Variants in NUP210L observed in about 807,000 individuals in gnomAD.
NUP210L encodes nuclear pore membrane glycoprotein 210-like.
A neutral mutation model predicts 208.5 loss-of-function variants in NUP210L; 74 were observed. The ratio of observed to expected loss-of-function variants is 0.35; its 90% CI spans 0.29 to 0.43. The LOEUF (loss-of-function observed/expected upper bound fraction) is 0.43, where lower values mean the gene tolerates loss of function less well. NUP210L is among the 20% of genes least tolerant of loss of function. The probability of loss-of-function intolerance (pLI) is 1.00; values close to 1 mark genes in which losing one functional copy is unlikely to be tolerated. For synonymous variants in NUP210L, 780 were observed against 816.9 expected (o/e 0.95, Z 0.77); for missense variants, 1,843 against 2,289.4 (o/e 0.81, Z 3.98).
At chr1:154,054,345 G>A (rs748307584) in exon 25 of NUP210L, 34 of 1,613,990 alleles carry the variant, frequency 2.1e-5, no homozygotes, top group Middle Eastern at 1.6e-4. Flanking sequence ...CAACAGCCAC[G>A]GTCTGATTAC....
At chr1:153,993,172 CTAAAAATAATTCT>C in intron 38 of NUP210L, 83 bp from the exon 39 acceptor site, 1 of 850,596 alleles carries the variant, frequency 1.2e-6, no homozygotes, top group South Asian at 1.8e-5. Context: ...GAGAATATTG[CTAAAAATAATTCT>C]TAAAAATAAG....
intron 12 of NUP210L, among the ~76,000 whole-genome samples, 178 bp downstream of exon 12, chr1:154,117,547 T>C (rs1465780866): frequency 6.6e-6 from 1 of 152,102 alleles, no homozygotes; most frequent in Non-Finnish European, 1.5e-5. Flanking sequence ...ATCTTGCCAC[T>C]GCACTGCAGC....
At chr1:154,027,656 C>G in intron 28 of NUP210L, 59 bp from the exon 29 acceptor site, 1 of 1,066,460 alleles carries the variant, frequency 9.4e-7, no homozygotes. Flanking sequence ...CTTTTACTTA[C>G]ATATAGACTT....
intron 33 of NUP210L, among the ~76,000 whole-genome samples, chr1:154,013,541 T>TCCA (rs1651068801): frequency 6.6e-6 from 1 of 151,804 alleles, no homozygotes; most frequent in Non-Finnish European, 1.5e-5. Flanking sequence ...GCCATTGTAC[T>TCCA]CCAGCCTGGG....
intron 9 of NUP210L, among the ~76,000 whole-genome samples, chr1:154,126,763 C>A (rs142239925): frequency 4.0e-5 from 6 of 151,790 alleles, no homozygotes; most frequent in African/African-American, 1.2e-4. Flanking sequence ...GAAATAAGGA[C>A]CCTAGAGAGT....
At chr1:154,022,104 G>T in intron 32 of NUP210L, 22 bp downstream of exon 32, 1 of 1,565,034 alleles carries the variant, frequency 6.4e-7, no homozygotes, top group Non-Finnish European at 8.8e-7. Flanking sequence ...TTGTAAGTTT[G>T]AGAAAGGGAA....
rs991811985 is a variant in NUP210L, at chr1:154,027,495, C to G, written c.3947+11G>C. 4 of 1,578,946 alleles carry G rather than the reference C, an allele frequency of 2.5e-6. No homozygotes were observed. The highest frequency in any genetic ancestry group is 2.6e-6 in the Non-Finnish European group (3 of 1,149,742). ...AGATCCTGGCACTTCCTTATTCTCCCTTTTCCTTACCTGTTGGTATGGAGT... is the reference window on the plus strand; with the variant it reads ...AGATCCTGGCACTTCCTTATTCTCCGTTTTCCTTACCTGTTGGTATGGAGT... On this transcript the variant is annotated intron_variant, in intron 29 of 39. Transcript: ENST00000368559.
intron 14 of NUP210L, among the ~76,000 whole-genome samples, chr1:154,098,319 C>T (rs1365923527): frequency 6.6e-6 from 1 of 152,210 alleles, no homozygotes; most frequent in African/African-American, 2.4e-5. Flanking sequence ...ACAGTTCTCT[C>T]CTTCTCTTCA....
chr1:154,144,493 C>T (rs1444127727), intron 2 of NUP210L, among the ~76,000 whole-genome samples: 1 of 152,046 alleles, frequency 6.6e-6, no homozygotes, highest in Non-Finnish European at 1.5e-5. Context: ...GAGTCCCAGT[C>T]CAACCAGAGT....
intron 37 of NUP210L, among the ~76,000 whole-genome samples, chr1:153,997,698 T>G (rs1382576021): frequency 5.4e-5 from 8 of 147,452 alleles, no homozygotes; most frequent in Non-Finnish European, 1.2e-4. Flanking sequence ...TATTTGTTTT[T>G]TTTTTTTTTT....
chr1:154,112,582 G>A (rs770074184), intron 12 of NUP210L, among the ~76,000 whole-genome samples: 3 of 151,886 alleles, frequency 2.0e-5, no homozygotes, highest in East Asian at 1.9e-4. Flanking sequence ...CACCTACCAC[G>A]TACACCTGAA....
intron 27 of NUP210L, among the ~76,000 whole-genome samples, chr1:154,038,237 A>T (rs1429569215): frequency 6.7e-6 from 1 of 149,976 alleles, no homozygotes; most frequent in African/African-American, 2.5e-5. Flanking sequence ...GGCTCAAGAG[A>T]TCCTCCCACC....
intron 17 of NUP210L, among the ~76,000 whole-genome samples, chr1:154,062,279 G>A (rs1033954932): frequency 1.3e-5 from 2 of 152,086 alleles, no homozygotes; most frequent in African/African-American, 4.8e-5. Flanking sequence ...CCAAAAATAG[G>A]CTGACAAGTG....
At chr1:154,082,681 GT>G in intron 16 of NUP210L, among the ~76,000 whole-genome samples, 1 of 152,190 alleles carries the variant, frequency 6.6e-6, no homozygotes, top group South Asian at 2.1e-4. Flanking sequence ...GTTCCTTCTG[GT>G]AGGTTCTTGA....
chr1:153,999,914 T>A (rs1650111971), intron 37 of NUP210L, among the ~76,000 whole-genome samples: 1 of 151,190 alleles, frequency 6.6e-6, no homozygotes, highest in African/African-American at 2.4e-5. Flanking sequence ...AGCCTTGAAC[T>A]CCTGGTCTCA....
At chr1:154,114,817 G>A (rs923173260) in intron 12 of NUP210L, among the ~76,000 whole-genome samples, 3 of 149,730 alleles carry the variant, frequency 2.0e-5, no homozygotes, top group Non-Finnish European at 4.4e-5. Flanking sequence ...GGCTGGTCTC[G>A]AACTCCTGGC....
At chr1:154,057,575 G>A in intron 22 of NUP210L, among the ~76,000 whole-genome samples, 1 of 151,972 alleles carries the variant, frequency 6.6e-6, no homozygotes, top group East Asian at 1.9e-4. Context: ...TATTTTTAAA[G>A]GGTCCTCTAT....
chr1:154,028,617 T>G lies in NUP210L; in HGVS notation c.3856-1020A>C, dbSNP rs371584584. Among the ~76,000 whole-genome samples, 24 of 152,142 alleles carry G rather than the reference T, an allele frequency of 1.6e-4. No individual in the cohort carries two copies. The East Asian group carries it at 2.1e-3, about 13-fold the overall frequency. ...AAATAAATAATTAAATAAAAATTGT[T>G]AATGGACTTATAATATCTATGTCAG... is the stretch of plus-strand genomic sequence containing the variant. On this transcript the variant is annotated intron_variant, in intron 28 of 39. Coordinates refer to ENST00000368559, the Ensembl canonical transcript of NUP210L.
intron 27 of NUP210L, among the ~76,000 whole-genome samples, chr1:154,031,797 T>C (rs986830226): frequency 2.6e-5 from 4 of 151,804 alleles, no homozygotes; most frequent in Non-Finnish European, 2.9e-5. Context: ...TCATGGCTCA[T>C]TGCCACCTCA....
Sources: allele counts gnomAD v4.1 joint callset (sites outside exome capture counted in the v4.1 genomes callset), GRCh38; gene constraint gnomAD v4.1.1; transcripts MANE v1.5; gene names NCBI Gene and HGNC (gene_info 2026-07-23, HGNC 2026-07-21).